RCOR3: variants seen among roughly 807,000 people sequenced by gnomAD.
The protein encoded by RCOR3 is REST corepressor 3.
In RCOR3, 13 loss-of-function variants were observed where a neutral mutation model predicts 64.1. That is an observed-to-expected ratio of 0.20 (90% CI 0.13 to 0.32). The LOEUF (loss-of-function observed/expected upper bound fraction) is 0.32. Among genes scored for constraint, RCOR3 ranks in the 10% least tolerant of loss-of-function variants. The pLI is 1.00. For missense variants in RCOR3, 489 were observed against 701.2 expected (o/e 0.70, Z 3.42); for synonymous variants, 215 against 239.0 (o/e 0.90, Z 0.93).
Position 211,259,490 on chromosome 1 carries a change from C to T in RCOR3, c.-71C>T, listed in dbSNP as rs979209685. The T allele has an allele frequency of 2.2e-5, 32 of 1,486,978 alleles. No homozygotes were observed. In the Admixed American group the frequency reaches 6.3e-4, roughly 29 times the overall value. 92.1% of individuals were successfully genotyped at this position (1,486,978 alleles called of 1,614,324 possible). ...CCTCCTCCTTTCCCTCCCGCCCGCG[C>T]TCTAAGCCATCTCCGCCTTCACCCT... On this transcript the variant is annotated 5_prime_UTR_variant, in exon 1 of 12. Coordinates refer to ENST00000419091, the MANE Select transcript of RCOR3 (RefSeq NM_001136223.3).
intron 4 of RCOR3, among the ~76,000 whole-genome samples, chr1:211,275,613 T>C (rs1290373999): frequency 1.3e-5 from 2 of 152,172 alleles, no homozygotes; most frequent in Non-Finnish European, 1.5e-5. Flanking sequence ...GGGGAAGTTA[T>C]GGAATTTTTG....
At chr1:211,270,548 C>A (rs200559136) in intron 2 of RCOR3, among the ~76,000 whole-genome samples, 72 of 147,896 alleles carry the variant, frequency 4.9e-4, no homozygotes, top group African/African-American at 4.2e-4. Context: ...AGACATGGGG[C>A]AAAAAAAAAA....
intron 3 of RCOR3, 119 bp downstream of exon 3, chr1:211,271,428 T>G: frequency 1.3e-6 from 1 of 742,248 alleles, no homozygotes; most frequent in Non-Finnish European, 2.3e-6. Flanking sequence ...TTGTCTTTGT[T>G]TTATTTTTTA....
chr1:211,268,349 T>C (rs72741144), intron 2 of RCOR3, among the ~76,000 whole-genome samples: 13 of 148,944 alleles, frequency 8.7e-5, no homozygotes, highest in South Asian at 2.1e-4. Flanking sequence ...TAAAAAGATA[T>C]ATCAAAGTTT....
chr1:211,283,752 G>A (rs527803380), intron 7 of RCOR3, among the ~76,000 whole-genome samples: 7 of 151,384 alleles, frequency 4.6e-5, no homozygotes, highest in South Asian at 4.2e-4. Context: ...CAAATGATCC[G>A]CCTGCTTCAT....
rs959878356 is a variant in RCOR3, at chr1:211,316,369, G to A, written c.*2601G>A. 1 of 152,052 alleles carries A rather than the reference G, an allele frequency of 6.6e-6. No individual in the cohort carries two copies. The highest frequency in any genetic ancestry group is 1.5e-5 in the Non-Finnish European group (1 of 67,998). 9.4% of individuals were successfully genotyped at this position (152,052 alleles called of 1,614,324 possible). ...TGAGTAAAATAGAATATAAAATAAA[G>A]GTGAAATAATATAAAATTTTGTCTT... On this transcript the variant is annotated 3_prime_UTR_variant, in exon 12 of 12. Coordinates refer to ENST00000419091, the MANE Select transcript of RCOR3 (RefSeq NM_001136223.3).
At chr1:211,262,033 C>CTTTTT (rs1196587722) in intron 2 of RCOR3, among the ~76,000 whole-genome samples, 15,531 of 65,374 alleles carry the variant, frequency 0.24, 5,391 homozygotes, top group East Asian at 0.55. Context: ...GCTATAAAAA[C>CTTTTT]TTTTTTTTTT....
At position 211,312,626 on chromosome 1, in the gene RCOR3, T is replaced by G. The variant is rs1455583426; in HGVS notation, c.1076-94T>G. The G allele has an allele frequency of 2.3e-6, 2 of 865,318 alleles. No individual in the cohort carries two copies. The highest frequency in any genetic ancestry group is 3.4e-5 in the African/African-American group (2 of 59,476). 53.6% of individuals were successfully genotyped at this position (865,318 alleles called of 1,614,324 possible). On this transcript the variant is annotated intron_variant, in intron 10 of 11. Transcript: ENST00000419091. This position sits in a 1 kb window ranked among gnomAD's most constrained non-coding sequence, Gnocchi z 5.0. The stretch of plus-strand genomic sequence containing the variant: ...GAGCAGAGTTTATCAGAAAGGAATT[T>G]CATTGCTGGTATCTTTTGTGTGTGC...
At chr1:211,271,987 T>G (rs1288194803) in intron 3 of RCOR3, 1 of 156,518 alleles carries the variant, frequency 6.4e-6, no homozygotes. Context: ...AAGATAAACT[T>G]GTCTTTTTAG....
chr1:211,313,801 C>T lies in RCOR3; in HGVS notation c.*33C>T, dbSNP rs1243381758. The T allele has an allele frequency of 1.3e-6, 2 of 1,551,768 alleles. No individual in the cohort carries two copies. Among genetic ancestry groups the T allele is most frequent in the Non-Finnish European group, 1.8e-6 (2 of 1,126,818 alleles). On this transcript the variant is annotated 3_prime_UTR_variant, in exon 12 of 12. Transcript: ENST00000419091. This position sits in a 1 kb window ranked among gnomAD's most constrained non-coding sequence, Gnocchi z 4.7. ...ATTGGACACAGCTGCAGTAACTTTT[C>T]ACCCCATCATTATACCAGTGCTCAT...
At position 211,313,329 on chromosome 1, in the gene RCOR3, T is replaced by C. The variant is rs902010978; in HGVS notation, c.1318-95T>C. ...GTGTTATGTTTTTGTTTTGTTTTGA[T>C]TTGTTTTGTTTTTCCTGTGACAGCC... On this transcript the variant is annotated intron_variant, in intron 11 of 11. Transcript: ENST00000419091. The surrounding 1 kb of genome is among the most constrained non-coding windows in gnomAD (Gnocchi z 4.7). The C allele has an allele frequency of 1.3e-6, 2 of 1,483,330 alleles. No individual in the cohort carries two copies. Among genetic ancestry groups the C allele is most frequent in the Non-Finnish European group, 1.8e-6 (2 of 1,120,550 alleles). 91.9% of individuals were successfully genotyped at this position (1,483,330 alleles called of 1,614,324 possible). A position where few individuals can be genotyped will look rare whatever the true frequency, so the allele number is the denominator to read the frequency against.
At chr1:211,276,963 G>T (rs1047888029) in intron 5 of RCOR3, among the ~76,000 whole-genome samples, 1 of 151,858 alleles carries the variant, frequency 6.6e-6, no homozygotes, top group Admixed American at 6.6e-5. Flanking sequence ...GCATGCGCCT[G>T]TAGCCCCAGC....
Position 211,278,233 on chromosome 1 carries a change from G to C in RCOR3, c.633G>C (p.Gln211His), listed in dbSNP as rs771325805. 6.2e-7 allele frequency: 1 copy of C among 1,613,588 alleles called. No individual in the cohort carries two copies. Among genetic ancestry groups the C allele is most frequent in the Non-Finnish European group, 8.5e-7 (1 of 1,179,806 alleles). Residue 211 changes from glutamine to histidine, a missense_variant, in exon 6 of 12, where the codon CAG (glutamine) becomes CAC (histidine). Physicochemically the swap from Gln to His is conservative, Grantham distance 24. Coordinates refer to ENST00000419091, the MANE Select transcript of RCOR3 (RefSeq NM_001136223.3). Reference protein sequence around the residue: ...QARKLANRHNQGDSDDDVEET... With the variant: ...QARKLANRHNHGDSDDDVEET... Reference sequence around the variant, plus strand: ...GTAAACTAGCTAATAGACATAATCAGGGTGACAGGTAGGTTGGTTACCTTC... The same window carrying C: ...GTAAACTAGCTAATAGACATAATCACGGTGACAGGTAGGTTGGTTACCTTC...
chr1:211,275,663 A>C (rs1287061734), intron 4 of RCOR3, among the ~76,000 whole-genome samples: 4 of 152,198 alleles, frequency 2.6e-5, no homozygotes, highest in Admixed American at 2.6e-4. Flanking sequence ...TTTGGTAATC[A>C]AGTCATTGAA....
intron 10 of RCOR3, among the ~76,000 whole-genome samples, chr1:211,308,661 G>GTTTTTTTGTTTT (rs1701115898): frequency 1.8e-4 from 5 of 27,494 alleles, no homozygotes; most frequent in African/African-American, 5.5e-4. Flanking sequence ...TTTTGGATGT[G>GTTTTTTTGTTTT]TTTTTTTTTT....
chr1:211,264,679 G>A (rs563492756), intron 2 of RCOR3, among the ~76,000 whole-genome samples: 1 of 151,986 alleles, frequency 6.6e-6, no homozygotes, highest in Admixed American at 6.6e-5. Context: ...ATAAGACTTG[G>A]TCTCAAAAAA....
intron 3 of RCOR3, among the ~76,000 whole-genome samples, chr1:211,273,636 G>A (rs181420839): frequency 1.2e-4 from 19 of 152,246 alleles, no homozygotes; most frequent in Middle Eastern, 6.8e-3. Context: ...GCTTAATTAC[G>A]TATGGAAGAT....
In RCOR3 at chr1:211,313,236, C is replaced by T. The variant is rs113111890; in HGVS notation, c.1318-188C>T. The T allele has an allele frequency of 5.2e-5, 75 of 1,430,490 alleles. No individual in the cohort carries two copies. In the African/African-American group the frequency reaches 8.9e-4, roughly 17 times the overall value. 88.6% of individuals were successfully genotyped at this position (1,430,490 alleles called of 1,614,324 possible). ...AATAAAGATGCCTGTTTGGTAGCCT[C>T]ATTGGTTTTTGGTTTTTGGTTTTGT... On this transcript the variant is annotated intron_variant, in intron 11 of 11. Coordinates refer to ENST00000419091, the MANE Select transcript of RCOR3 (RefSeq NM_001136223.3). The surrounding 1 kb of genome is among the most constrained non-coding windows in gnomAD (Gnocchi z 4.7).
chr1:211,278,780 A>G (rs1697363714), intron 6 of RCOR3, among the ~76,000 whole-genome samples: 2 of 150,982 alleles, frequency 1.3e-5, no homozygotes, highest in African/African-American at 5.0e-5. Flanking sequence ...CACTACAGAA[A>G]TCTGAATTAA....
Sources: allele counts gnomAD v4.1 joint callset (sites outside exome capture counted in the v4.1 genomes callset), GRCh38; gene constraint gnomAD v4.1.1; non-coding constraint Gnocchi (gnomAD v3.1); transcripts MANE v1.5; gene names NCBI Gene and HGNC (gene_info 2026-07-23, HGNC 2026-07-21).